DIP2C: variants seen among roughly 807,000 people sequenced by gnomAD.
DIP2C encodes the protein disco-interacting protein 2 homolog C.
DIP2C carries 33 observed loss-of-function variants against 192.4 expected under a neutral mutation model. The ratio of observed to expected loss-of-function variants is 0.17; its 90% CI spans 0.13 to 0.23. DIP2C has a LOEUF of 0.23. Among genes scored for constraint, DIP2C ranks in the 10% least tolerant of loss-of-function variants. The pLI is 1.00. For missense variants in DIP2C, 1,537 were observed against 2,110.1 expected, an observed-to-expected ratio of 0.73 and a Z score of 5.32; for synonymous variants, 979 against 864.1, an observed-to-expected ratio of 1.13 and a Z score of -2.33.
intron 30 of DIP2C, among the ~76,000 whole-genome samples, chr10:328,824 G>A (rs969830574): frequency 7.9e-5 from 12 of 152,154 alleles, no homozygotes; most frequent in Non-Finnish European, 1.5e-4. Flanking sequence ...ATCAAAACTG[G>A]TCAGATGATT....
At chr10:516,121 C>G (rs1846332357) in intron 1 of DIP2C, among the ~76,000 whole-genome samples, 1 of 149,954 alleles carries the variant, frequency 6.7e-6, no homozygotes, top group South Asian at 2.1e-4. Flanking sequence ...ACTTGGGTCT[C>G]TGTACCTTTG....
chr10:537,861 C>A (rs1847779591), intron 1 of DIP2C, among the ~76,000 whole-genome samples: 1 of 151,088 alleles, frequency 6.6e-6, no homozygotes, highest in Non-Finnish European at 1.5e-5. Context: ...GCGATCTCGG[C>A]TCACTGCAGC....
At chr10:501,786 A>AAATACCT (rs1845250859) in intron 1 of DIP2C, among the ~76,000 whole-genome samples, 1 of 152,172 alleles carries the variant, frequency 6.6e-6, no homozygotes, top group African/African-American at 2.4e-5. Context: ...ACCACAGGCC[A>AAATACCT]GGCACTGTGC....
intron 1 of DIP2C, among the ~76,000 whole-genome samples, chr10:657,801 G>C: frequency 6.7e-6 from 1 of 148,998 alleles, no homozygotes; most frequent in East Asian, 2.1e-4. Flanking sequence ...CCCTGGACCT[G>C]ATGCTGGACC....
At chr10:530,677 CTG>C (rs1304499940) in intron 1 of DIP2C, among the ~76,000 whole-genome samples, 4 of 124,598 alleles carry the variant, frequency 3.2e-5, no homozygotes, top group Non-Finnish European at 5.2e-5. Context: ...AAAAAAAAGA[CTG>C]TTACTAACAT....
intron 32 of DIP2C, among the ~76,000 whole-genome samples, chr10:300,284 A>G (rs1955961335): frequency 1.3e-5 from 2 of 152,232 alleles, no homozygotes; most frequent in South Asian, 4.1e-4. Flanking sequence ...AGTGTGGTAT[A>G]TACGTACAAG....
intron 1 of DIP2C, among the ~76,000 whole-genome samples, chr10:509,303 A>G (rs1272942377): frequency 6.6e-6 from 1 of 152,170 alleles, no homozygotes; most frequent in Non-Finnish European, 1.5e-5. Context: ...CTTCTGCAGC[A>G]TCCTCCTCCT....
chr10:372,489 C>T (rs1043211271), intron 17 of DIP2C, among the ~76,000 whole-genome samples: 4 of 152,220 alleles, frequency 2.6e-5, no homozygotes, highest in African/African-American at 4.8e-5. Context: ...TTCAGTTATG[C>T]TTATACAATG....
At chr10:534,675 T>G (rs545396400) in intron 1 of DIP2C, among the ~76,000 whole-genome samples, 4 of 150,790 alleles carry the variant, frequency 2.7e-5, no homozygotes, top group Admixed American at 6.6e-5. Context: ...ATTATTATTT[T>G]TTTTTTTTTT....
Position 636,658 on chromosome 10 carries a change from C to T in DIP2C, c.85+52836G>A, listed in dbSNP as rs1004508462. On this transcript the variant is annotated intron_variant, in intron 1 of 36. Transcript: ENST00000280886. The surrounding 1 kb of genome is among the most constrained non-coding windows in gnomAD (Gnocchi z 4.6). ...TTTTCTATCTGGGCCACACACTGCG[C>T]CGAGTGACTCTCCTTCCCCATCTTC... 6.6e-6 allele frequency among the ~76,000 whole-genome samples: 1 copy of T among 152,244 alleles called. No individual in the cohort carries two copies. Among genetic ancestry groups the T allele is most frequent in the Non-Finnish European group, 1.5e-5 (1 of 68,044 alleles).
chr10:452,018 C>A (rs12258812), intron 3 of DIP2C, among the ~76,000 whole-genome samples: 24,291 of 152,008 alleles, frequency 0.16, 5,019 homozygotes, highest in African/African-American at 0.48. Flanking sequence ...ACCAGCACAC[C>A]CAGCTCGGGG....
intron 31 of DIP2C, among the ~76,000 whole-genome samples, 166 bp downstream of exon 31, chr10:326,840 T>C (rs1957292806): frequency 6.6e-6 from 1 of 152,096 alleles, no homozygotes. Context: ...ACGTAGACTG[T>C]AGTTTAAAGA....
chr10:590,359 G>C (rs1041373107), intron 1 of DIP2C, among the ~76,000 whole-genome samples: 1 of 152,214 alleles, frequency 6.6e-6, no homozygotes, highest in Non-Finnish European at 1.5e-5. Context: ...ACAGCAAGCT[G>C]TTCCTTGGCT....
Position 281,331 on chromosome 10 carries a change from G to A in DIP2C, c.4295-8C>T. The A allele has an allele frequency of 6.4e-7, 1 of 1,571,524 alleles. No individual in the cohort carries two copies. Among genetic ancestry groups the A allele is most frequent in the Non-Finnish European group, 8.7e-7 (1 of 1,152,940 alleles). On this transcript the variant is annotated splice_polypyrimidine_tract_variant and splice_region_variant and intron_variant, in intron 35 of 36. Coordinates refer to ENST00000280886, the MANE Select transcript of DIP2C (RefSeq NM_014974.3). Reference sequence around the variant, plus strand: ...AGAGGGCATCATGGCGCTCTGTGGAGTAATGACAGCCTGCGTAAGCTTCCC... The same window carrying A: ...AGAGGGCATCATGGCGCTCTGTGGAATAATGACAGCCTGCGTAAGCTTCCC...
intron 4 of DIP2C, among the ~76,000 whole-genome samples, chr10:436,706 G>T (rs897554867): frequency 7.5e-6 from 1 of 134,118 alleles, no homozygotes; most frequent in Non-Finnish European, 1.6e-5. Flanking sequence ...GGGTGGCCAT[G>T]CTCCACCCAC....
intron 33 of DIP2C, among the ~76,000 whole-genome samples, chr10:287,221 T>C (rs1343636276): frequency 6.6e-6 from 1 of 152,094 alleles, no homozygotes; most frequent in Non-Finnish European, 1.5e-5. Flanking sequence ...AGTGCTGGGA[T>C]TACAGGCATG....
chr10:340,523 T>C (rs1424102875), intron 29 of DIP2C: 1 of 348,388 alleles, frequency 2.9e-6, no homozygotes, highest in African/African-American at 2.1e-5. Flanking sequence ...ATGCTAATAG[T>C]GGGTATTTAT....
intron 8 of DIP2C, among the ~76,000 whole-genome samples, chr10:411,420 A>C (rs1315864518): frequency 6.6e-6 from 1 of 152,228 alleles, no homozygotes; most frequent in Non-Finnish European, 1.5e-5. Flanking sequence ...ATGTTTTACA[A>C]GTTTATTCAG....
At chr10:496,915 G>T (rs1034083043) in intron 1 of DIP2C, among the ~76,000 whole-genome samples, 2 of 152,218 alleles carry the variant, frequency 1.3e-5, no homozygotes, top group African/African-American at 4.8e-5. Context: ...ACGAGGTCAG[G>T]AGATCAAGAC....
Sources: allele counts gnomAD v4.1 joint callset (sites outside exome capture counted in the v4.1 genomes callset), GRCh38; gene constraint gnomAD v4.1.1; non-coding constraint Gnocchi (gnomAD v3.1); transcripts MANE v1.5; gene names NCBI Gene and HGNC (gene_info 2026-07-23, HGNC 2026-07-21).